Variants in WASHC3 observed in about 807,000 individuals in gnomAD.
WASHC3 encodes WASH complex subunit 3, also known as WASH complex subunit CCDC53.
WASHC3 carries 24 observed loss-of-function variants against 26.1 expected under a neutral mutation model. That is an observed-to-expected ratio of 0.92 (90% CI 0.66 to 1.29). The LOEUF (loss-of-function observed/expected upper bound fraction) is 1.29, where lower values mean the gene tolerates loss of function less well. WASHC3 is among the 50% of genes most tolerant of loss of function. WASHC3 has a pLI of 0.00. For missense variants in WASHC3, 214 were observed against 229.6 expected (o/e 0.93, Z 0.44); for synonymous variants, 77 against 75.7 (o/e 1.02, Z -0.09).
intron 2 of WASHC3, among the ~76,000 whole-genome samples, chr12:102,048,868 C>A (rs1009723726): frequency 4.6e-5 from 7 of 152,058 alleles, no homozygotes; most frequent in African/African-American, 7.2e-5. Flanking sequence ...GTCAAAGGGT[C>A]CATGGCATGA....
At chr12:102,044,330 T>A in intron 3 of WASHC3, 118 bp from the exon 4 acceptor site, 1 of 402,684 alleles carries the variant, frequency 2.5e-6, no homozygotes, top group Non-Finnish European at 4.4e-6. Context: ...ATCTTGTCTT[T>A]AATTTTCCAT....
intron 6 of WASHC3, chr12:102,019,412 T>C (rs928724990): frequency 1.4e-5 from 5 of 368,234 alleles, no homozygotes; most frequent in Non-Finnish European, 2.1e-5. Flanking sequence ...TAAGACATAT[T>C]TGAAAAAGTT....
intron 5 of WASHC3, among the ~76,000 whole-genome samples, chr12:102,035,381 T>C (rs1362432361): frequency 6.6e-6 from 1 of 152,194 alleles, no homozygotes. Context: ...TCCTGGGCAT[T>C]GTCAAATGTG....
chr12:102,061,028 C>T (rs1359678128), intron 2 of WASHC3, among the ~76,000 whole-genome samples: 1 of 151,180 alleles, frequency 6.6e-6, no homozygotes, highest in East Asian at 1.9e-4. Context: ...CCTGACTGAC[C>T]TATCTCACAG....
intron 2 of WASHC3, chr12:102,050,492 A>AC (rs1878350009): frequency 2.4e-6 from 1 of 421,082 alleles, no homozygotes; most frequent in African/African-American, 2.1e-5. Context: ...ACACACACAC[A>AC]ATTAGCCGGG....
intron 5 of WASHC3, among the ~76,000 whole-genome samples, chr12:102,028,312 C>T (rs979352163): frequency 7.2e-5 from 11 of 152,016 alleles, no homozygotes; most frequent in Non-Finnish European, 7.4e-5. Flanking sequence ...ATAATTAAAT[C>T]TCATTCAATT....
chr12:102,043,923 C>T, intron 4 of WASHC3, 182 bp downstream of exon 4: 1 of 372,974 alleles, frequency 2.7e-6, no homozygotes, highest in South Asian at 5.2e-5. Flanking sequence ...AAAGTATTAA[C>T]TTCAGGAAGC....
chr12:102,034,046 A>G (rs1222476563), intron 5 of WASHC3, among the ~76,000 whole-genome samples: 1 of 152,146 alleles, frequency 6.6e-6, no homozygotes, highest in African/African-American at 2.4e-5. Flanking sequence ...TTGTTGGGAA[A>G]GTGAAACACT....
intron 6 of WASHC3, among the ~76,000 whole-genome samples, chr12:102,022,864 A>G (rs1877014985): frequency 6.6e-6 from 1 of 152,126 alleles, no homozygotes; most frequent in Non-Finnish European, 1.5e-5. Context: ...TATATTTCTG[A>G]ATGTATTAAC....
rs192709547 is a variant in WASHC3, at chr12:102,045,115, A to C, written c.217-903T>G. On this transcript the variant is annotated intron_variant, in intron 3 of 6. Coordinates refer to ENST00000240079, the MANE Select transcript of WASHC3 (RefSeq NM_016053.4). Reference sequence around the variant, plus strand: ...ATAAAGAATAATAATTAAAAAAAAAACCAATGGTAATAAGATCTCAAGCAG... The same window carrying C: ...ATAAAGAATAATAATTAAAAAAAAACCCAATGGTAATAAGATCTCAAGCAG... 2.9e-3 allele frequency among the ~76,000 whole-genome samples: 447 copies of C among 152,214 alleles called. 4 individuals carry two copies. Among genetic ancestry groups the C allele is most frequent in the African/African-American group, 9.9e-3 (413 of 41,532 alleles).
chr12:102,014,583 G>C (rs1876618330), intron 6 of WASHC3, among the ~76,000 whole-genome samples: 1 of 152,162 alleles, frequency 6.6e-6, no homozygotes, highest in Non-Finnish European at 1.5e-5. Context: ...TACTACAAAA[G>C]AGAAAATAAT....
chr12:102,058,354 CA>C (rs1878673002), intron 2 of WASHC3, among the ~76,000 whole-genome samples: 1 of 152,012 alleles, frequency 6.6e-6, no homozygotes, highest in African/African-American at 2.4e-5. Context: ...TTGGTCTGGG[CA>C]ATGACTTTTT....
At chr12:102,061,403 C>A in intron 1 of WASHC3, 57 bp from the exon 2 acceptor site, 1 of 1,151,716 alleles carries the variant, frequency 8.7e-7, no homozygotes. Flanking sequence ...CAGTGCAAAT[C>A]TTTTCATATT....
At chr12:102,048,002 AT>A (rs1046641267) in intron 2 of WASHC3, among the ~76,000 whole-genome samples, 2 of 152,150 alleles carry the variant, frequency 1.3e-5, no homozygotes, top group Admixed American at 6.6e-5. Context: ...ACTTCACGAG[AT>A]TTTTTTGAGA....
rs542503447 is a variant in WASHC3 at position 102,046,328 on chromosome 12, G to T, written c.151-209C>A. On this transcript the variant is annotated intron_variant, in intron 2 of 6. Transcript: ENST00000240079. ...TCTTTTTTTTTTGGGACGGAGTCTT[G>T]CTCTGTCGCCAGGCTGGAGCGCAGT... Among the ~76,000 whole-genome samples, 3 of 150,554 alleles carry T rather than the reference G, an allele frequency of 2.0e-5. No individual in the cohort carries two copies. The South Asian group carries it at 6.3e-4, about 31-fold the overall frequency.
At position 102,044,160 on chromosome 12, in the gene WASHC3, T is replaced by C; in HGVS notation, c.269A>G (p.Asn90Ser). 6.2e-7 allele frequency: 1 copy of C among 1,611,034 alleles called. No individual in the cohort carries two copies. Among genetic ancestry groups the C allele is most frequent in the Non-Finnish European group, 8.5e-7 (1 of 1,178,402 alleles). Reference sequence around the variant, plus strand: ...TGCTCCATTTGTGACACTGGTGACATTTAAAGGAGATACTTCAACTGTGAC... The same window carrying C: ...TGCTCCATTTGTGACACTGGTGACACTTAAAGGAGATACTTCAACTGTGAC... Reference protein sequence around the residue: ...DDVTVEVSPLNVTSVTNGAHP... With the variant: ...DDVTVEVSPLSVTSVTNGAHP... The change falls in exon 4 of 7, where the codon AAT becomes AGT. Residue 90 changes from asparagine (N) to serine (S), a missense_variant. Asn to Ser is a conservative substitution (Grantham distance 46). Transcript: ENST00000240079.
chr12:102,014,682 C>T lies in WASHC3; in HGVS notation c.501-1490G>A, dbSNP rs747037006. 3.3e-5 allele frequency among the ~76,000 whole-genome samples: 5 copies of T among 152,280 alleles called. No individual in the cohort carries two copies. In the Middle Eastern group the frequency reaches 0.01, roughly 311 times the overall value. On this transcript the variant is annotated intron_variant, in intron 6 of 6. Transcript: ENST00000240079. ...TATCTACAAGGAAGCATTATGTAGT[C>T]AATACAGTGAAACTTTAAAGCTGGG... is the stretch of plus-strand genomic sequence containing the variant.
At chr12:102,015,227 G>C (rs1371334565) in intron 6 of WASHC3, among the ~76,000 whole-genome samples, 1 of 152,090 alleles carries the variant, frequency 6.6e-6, no homozygotes, top group Non-Finnish European at 1.5e-5. Context: ...GGGGGCAGAG[G>C]CTGCAGTAAG....
intron 3 of WASHC3, among the ~76,000 whole-genome samples, chr12:102,044,777 T>C (rs1400615378): frequency 6.6e-6 from 1 of 152,192 alleles, no homozygotes; most frequent in Non-Finnish European, 1.5e-5. Context: ...ATGTTTCTTC[T>C]ATGCAAAAAA....
Sources: allele counts gnomAD v4.1 joint callset (sites outside exome capture counted in the v4.1 genomes callset), GRCh38; gene constraint gnomAD v4.1.1; transcripts MANE v1.5; gene names NCBI Gene and HGNC (gene_info 2026-07-23, HGNC 2026-07-21).